The following DOCK3 variants were observed in gnomAD, a reference collection of about 807,000 sequenced individuals.
DOCK3 encodes dedicator of cytokinesis 3.
Under a neutral mutation model 265.6 loss-of-function variants are expected in DOCK3, and 60 were observed. The ratio of observed to expected loss-of-function variants is 0.23; its 90% CI spans 0.18 to 0.28. The LOEUF (loss-of-function observed/expected upper bound fraction) is 0.28. Ranked by LOEUF, DOCK3 falls within the 10% of genes least tolerant of loss-of-function variation. The pLI, the probability that DOCK3 is intolerant of heterozygous loss-of-function variation, is 1.00. For synonymous variants in DOCK3, 881 were observed against 938.0 expected (o/e 0.94, Z 1.11); for missense variants, 1,981 against 2,594.3 (o/e 0.76, Z 5.14).
At chr3:51,103,646 T>C (rs572281287) in intron 9 of DOCK3, among the ~76,000 whole-genome samples, 2 of 152,322 alleles carry the variant, frequency 1.3e-5, no homozygotes, top group East Asian at 1.9e-4. Flanking sequence ...ATGTGCCAGG[T>C]CCTATTCTAA....
Position 50,799,851 on chromosome 3 carries a change from T to C in DOCK3, c.121+21093T>C, listed in dbSNP as rs186656869. Among the ~76,000 whole-genome samples the C allele has an allele frequency of 3.9e-5, 6 of 152,298 alleles. No individual in the cohort carries two copies. The East Asian group carries it at 1.2e-3, about 29-fold the overall frequency. On this transcript the variant is annotated intron_variant, in intron 2 of 52. Transcript: ENST00000266037. ...AGCTGTGGGTTTGTTATATATGGCC[T>C]TTGTATATTGAGATGCTTTTTTTCT...
rs9877841 is a variant in DOCK3 at position 51,119,693 on chromosome 3, C to T, written c.747-26856C>T. On this transcript the variant is annotated intron_variant, in intron 9 of 52. Coordinates refer to ENST00000266037, the MANE Select transcript of DOCK3 (RefSeq NM_004947.5). ...TATTTTTTCTCTAATCTTGTCTTCACGACTTATTTCAGTAAGTTGATCTTC... is the reference window on the plus strand; with the variant it reads ...TATTTTTTCTCTAATCTTGTCTTCATGACTTATTTCAGTAAGTTGATCTTC... 2.8e-3 allele frequency among the ~76,000 whole-genome samples: 429 copies of T among 152,018 alleles called. 1 individual carries two copies. The highest frequency in any genetic ancestry group is 9.6e-3 in the African/African-American group (397 of 41,480).
intron 1 of DOCK3, among the ~76,000 whole-genome samples, chr3:50,746,815 T>C (rs2039476576): frequency 6.6e-6 from 1 of 152,100 alleles, no homozygotes; most frequent in Non-Finnish European, 1.5e-5. Flanking sequence ...TCACTAGCTG[T>C]TGAGAGGGCA....
chr3:51,201,163 C>T (rs1328725863), intron 12 of DOCK3, among the ~76,000 whole-genome samples: 8 of 150,732 alleles, frequency 5.3e-5, no homozygotes, highest in African/African-American at 1.7e-4. Flanking sequence ...GGATCAAATT[C>T]ACACATAACA....
intron 2 of DOCK3, among the ~76,000 whole-genome samples, chr3:50,839,718 TCTCCCCTCCC>T (rs1190808502): frequency 6.7e-5 from 1 of 15,026 alleles, no homozygotes; most frequent in African/African-American, 3.0e-4. Context: ...CCTCCCCTCC[TCTCCCCTCCC>T]CTCCCCTCCC....
intron 12 of DOCK3, among the ~76,000 whole-genome samples, chr3:51,193,202 A>T (rs570282192): frequency 2.8e-4 from 43 of 152,086 alleles, no homozygotes; most frequent in Non-Finnish European, 5.9e-4. Context: ...TATTCTGTTG[A>T]TTTGATGTAT....
intron 49 of DOCK3, among the ~76,000 whole-genome samples, chr3:51,365,027 T>C (rs1335523432): frequency 6.6e-6 from 1 of 152,216 alleles, no homozygotes; most frequent in African/African-American, 2.4e-5. Context: ...AAGAAAGTTA[T>C]TGGTAGCTTG....
chr3:51,036,063 T>TA (rs1271652503), intron 5 of DOCK3, among the ~76,000 whole-genome samples: 1 of 152,180 alleles, frequency 6.6e-6, no homozygotes, highest in Non-Finnish European at 1.5e-5. Context: ...GCAAAGTATC[T>TA]AAAAAAATTT....
At chr3:50,695,209 A>G (rs951819164) in intron 1 of DOCK3, among the ~76,000 whole-genome samples, 11 of 152,210 alleles carry the variant, frequency 7.2e-5, no homozygotes, top group African/African-American at 2.7e-4. Flanking sequence ...AGATTTCACC[A>G]TTTCTGTAAG....
intron 9 of DOCK3, among the ~76,000 whole-genome samples, chr3:51,103,259 G>A (rs1158699562): frequency 6.6e-6 from 1 of 152,148 alleles, no homozygotes; most frequent in Non-Finnish European, 1.5e-5. Context: ...CCCAAGAGCT[G>A]TGCTACAATG....
At chr3:51,177,660 C>T (rs2087031393) in intron 12 of DOCK3, among the ~76,000 whole-genome samples, 4 of 152,068 alleles carry the variant, frequency 2.6e-5, no homozygotes, top group Admixed American at 2.6e-4. Flanking sequence ...ATATCAGTTA[C>T]AACAGTAAAC....
intron 5 of DOCK3, among the ~76,000 whole-genome samples, chr3:50,979,077 C>T (rs947239622): frequency 6.6e-6 from 1 of 152,136 alleles, no homozygotes; most frequent in Non-Finnish European, 1.5e-5. Flanking sequence ...CCCGGTACCT[C>T]AGATGGAAAT....
rs1392962726 is a variant in DOCK3, at chr3:51,237,583, G to A, written c.2095G>A (p.Ala699Thr). ...YIQKHFAGAL[A>T]YKELIRCLKW... ...CCAGAAGCACTTTGCTGGAGCTCTG[G>A]CATACAAGTAAGTTCCATTTGGTAT... The change falls in exon 21 of 53, where the codon GCA (alanine) becomes ACA (threonine). Residue 699 changes from alanine (A) to threonine (T), a missense_variant. Ala to Thr is a moderately conservative substitution (Grantham distance 58). This residue lies in a region of DOCK3 where 1,357 missense variants were observed against 1,866.8 expected (regional missense o/e 0.73). Coordinates refer to ENST00000266037, the MANE Select transcript of DOCK3 (RefSeq NM_004947.5). 1.9e-6 allele frequency: 3 copies of A among 1,612,692 alleles called. No homozygotes were observed. Among genetic ancestry groups the A allele is most frequent in the South Asian group, 2.2e-5 (2 of 90,734 alleles).
At chr3:50,998,629 T>A (rs1435669524) in intron 5 of DOCK3, among the ~76,000 whole-genome samples, 1 of 152,198 alleles carries the variant, frequency 6.6e-6, no homozygotes, top group East Asian at 1.9e-4. Flanking sequence ...ATCGTTAATA[T>A]AGCAATATCT....
At chr3:51,166,875 G>A (rs2086433638) in intron 12 of DOCK3, among the ~76,000 whole-genome samples, 1 of 152,142 alleles carries the variant, frequency 6.6e-6, no homozygotes, top group African/African-American at 2.4e-5. Flanking sequence ...TCCCCTATCA[G>A]ATATATGGTT....
chr3:50,742,650 A>G (rs1407719208), intron 1 of DOCK3, among the ~76,000 whole-genome samples: 2 of 152,248 alleles, frequency 1.3e-5, no homozygotes, highest in African/African-American at 2.4e-5. Context: ...TAGAGAAAAA[A>G]GAATAAAAAG....
At chr3:51,063,604 C>G (rs948811143) in intron 5 of DOCK3, among the ~76,000 whole-genome samples, 5 of 152,058 alleles carry the variant, frequency 3.3e-5, no homozygotes, top group South Asian at 2.1e-4. Flanking sequence ...ATTTATAGAT[C>G]AGTTACATCC....
chr3:51,309,593 ACCGTG>A (rs1207118336), intron 27 of DOCK3, among the ~76,000 whole-genome samples: 1 of 151,982 alleles, frequency 6.6e-6, no homozygotes, highest in Non-Finnish European at 1.5e-5. Context: ...GGAGAGGGAG[ACCGTG>A]GGGAGAGGGA....
At chr3:50,810,412 G>A (rs1480257066) in intron 2 of DOCK3, among the ~76,000 whole-genome samples, 1 of 152,018 alleles carries the variant, frequency 6.6e-6, no homozygotes, top group Non-Finnish European at 1.5e-5. Flanking sequence ...TTAGCTGGGC[G>A]TTGTGATGGG....
Sources: allele counts gnomAD v4.1 joint callset (sites outside exome capture counted in the v4.1 genomes callset), GRCh38; gene constraint gnomAD v4.1.1; regional missense constraint gnomAD v4.1.1; transcripts MANE v1.5; gene names NCBI Gene and HGNC (gene_info 2026-07-23, HGNC 2026-07-21).